The following PCDH15 variants were observed in gnomAD, a reference collection of about 807,000 sequenced individuals.
The protein encoded by PCDH15 is protocadherin related 15, also known as protocadherin-15.
A neutral mutation model predicts 178.5 loss-of-function variants in PCDH15; 129 were observed. The observed-to-expected ratio is 0.72, with a 90% CI of 0.63 to 0.84. PCDH15 has a LOEUF of 0.84. Among genes scored for constraint, PCDH15 ranks in the 40% least tolerant of loss-of-function variants. The probability of loss-of-function intolerance (pLI) is 0.00; values close to 1 mark genes in which losing one functional copy is unlikely to be tolerated. For synonymous variants in PCDH15, 800 were observed against 732.0 expected (o/e 1.09, Z -1.50); for missense variants, 2,230 against 2,099.9 (o/e 1.06, Z -1.21).
rs1462625987 is a variant in PCDH15, at chr10:54,806,775, C to T, written c.-29+90675G>A. Among the ~76,000 whole-genome samples, 8 of 152,138 alleles carry T rather than the reference C, an allele frequency of 5.3e-5. No individual in the cohort carries two copies. In the South Asian group the frequency reaches 8.3e-4, roughly 16 times the overall value. On this transcript the variant is annotated intron_variant, in intron 3 of 5. Transcript: ENST00000458638. ...CTGGGATTACAGGTCTGAGCCGCCTCGCCTGGCCTGAGCCACCACGCCAGG... is the reference window on the plus strand; with the variant it reads ...CTGGGATTACAGGTCTGAGCCGCCTTGCCTGGCCTGAGCCACCACGCCAGG...
intron 5 of PCDH15, among the ~76,000 whole-genome samples, chr10:54,365,168 TG>T (rs1946617299): frequency 6.6e-6 from 1 of 152,136 alleles, no homozygotes; most frequent in Non-Finnish European, 1.5e-5. Context: ...AAGCTATTTT[TG>T]CCAGGTAAGT....
At chr10:54,272,147 T>G (rs781054429) in intron 8 of PCDH15, among the ~76,000 whole-genome samples, 1 of 150,796 alleles carries the variant, frequency 6.6e-6, no homozygotes, top group Non-Finnish European at 1.5e-5. Context: ...TTAAATTTTA[T>G]GTATATTCAT....
intron 2 of PCDH15, among the ~76,000 whole-genome samples, chr10:55,333,602 G>C (rs966930479): frequency 4.6e-5 from 7 of 151,946 alleles, no homozygotes; most frequent in African/African-American, 1.7e-4. Context: ...ATTATTTAAA[G>C]AATTCATATA....
chr10:55,581,003 C>T (rs1024661621), intron 2 of PCDH15, among the ~76,000 whole-genome samples: 2 of 152,070 alleles, frequency 1.3e-5, no homozygotes, highest in Non-Finnish European at 2.9e-5. Context: ...GTTGCTTATC[C>T]AATTCTCTGA....
intron 1 of PCDH15, among the ~76,000 whole-genome samples, chr10:54,779,453 C>T (rs867902819): frequency 0.11 from 12,702 of 114,088 alleles, 1,071 homozygotes; most frequent in Non-Finnish European, 0.16. Flanking sequence ...TATATACACT[C>T]ATATATGTGT....
chr10:53,879,890 G>T (rs778406299), intron 26 of PCDH15, among the ~76,000 whole-genome samples: 4 of 152,182 alleles, frequency 2.6e-5, no homozygotes, highest in African/African-American at 9.7e-5. Context: ...GGCCTCATGT[G>T]TTCCGCCTGC....
intron 3 of PCDH15, among the ~76,000 whole-genome samples, chr10:54,477,293 C>T (rs1442633781): frequency 2.0e-5 from 3 of 152,278 alleles, no homozygotes; most frequent in Non-Finnish European, 4.4e-5. Flanking sequence ...CCTCTTTGGC[C>T]AATTCCTACA....
intron 1 of PCDH15, among the ~76,000 whole-genome samples, chr10:55,280,963 A>G (rs1432449714): frequency 1.3e-5 from 2 of 152,226 alleles, no homozygotes; most frequent in Non-Finnish European, 2.9e-5. Flanking sequence ...ATGGATTTTT[A>G]AAAGTTAACT....
chr10:54,657,766 C>CA (rs1255178729), intron 2 of PCDH15, among the ~76,000 whole-genome samples: 1 of 152,124 alleles, frequency 6.6e-6, no homozygotes. Context: ...GAGAAAGAAT[C>CA]AATGCATGAA....
chr10:55,575,407 G>GT (rs1267807077), intron 2 of PCDH15, among the ~76,000 whole-genome samples: 2 of 152,088 alleles, frequency 1.3e-5, no homozygotes, highest in Admixed American at 1.3e-4. Context: ...AAAAGTGTAT[G>GT]TTTTTTCAAA....
chr10:53,860,354 T>G (rs2079023085), intron 27 of PCDH15, among the ~76,000 whole-genome samples: 1 of 152,238 alleles, frequency 6.6e-6, no homozygotes, highest in Non-Finnish European at 1.5e-5. Context: ...CAACGTAAAC[T>G]TAGTGGAAGG....
At chr10:55,059,306 A>T (rs1304978958) in intron 2 of PCDH15, among the ~76,000 whole-genome samples, 1 of 152,198 alleles carries the variant, frequency 6.6e-6, no homozygotes, top group Non-Finnish European at 1.5e-5. Flanking sequence ...TATATATTTT[A>T]TGCCCACTTT....
At chr10:55,117,197 G>A (rs1207621830) in intron 2 of PCDH15, among the ~76,000 whole-genome samples, 2 of 152,136 alleles carry the variant, frequency 1.3e-5, no homozygotes, top group Non-Finnish European at 2.9e-5. Flanking sequence ...AGCGATGGGT[G>A]AAGAAAAGAA....
intron 2 of PCDH15, among the ~76,000 whole-genome samples, chr10:55,140,049 A>G (rs561780977): frequency 1.3e-4 from 19 of 151,930 alleles, no homozygotes; most frequent in Non-Finnish European, 2.4e-4. Flanking sequence ...TTCATTTTCA[A>G]TTTTGATATT....
chr10:54,395,363 T>TAAA (rs1328027054), intron 3 of PCDH15, among the ~76,000 whole-genome samples: 7 of 131,044 alleles, frequency 5.3e-5, no homozygotes, highest in Admixed American at 3.1e-4. Context: ...CAACATAAAA[T>TAAA]AAAAAAAAAA....
chr10:55,354,955 C>T (rs1269740663), intron 2 of PCDH15, among the ~76,000 whole-genome samples: 2 of 151,934 alleles, frequency 1.3e-5, no homozygotes, highest in Admixed American at 1.3e-4. Context: ...ATTCTCCCTC[C>T]CAATAATTTT....
intron 3 of PCDH15, among the ~76,000 whole-genome samples, chr10:54,428,881 G>T (rs1398563296): frequency 6.6e-6 from 1 of 152,158 alleles, no homozygotes; most frequent in Non-Finnish European, 1.5e-5. Context: ...GCATGAAAGA[G>T]AAATAAAGAC....
At chr10:54,351,084 G>A (rs117839202) in intron 5 of PCDH15, among the ~76,000 whole-genome samples, 8 of 150,716 alleles carry the variant, frequency 5.3e-5, no homozygotes, top group Non-Finnish European at 7.4e-5. Flanking sequence ...AGCCTGGGGC[G>A]AGAACAAGAC....
At chr10:54,480,843 T>C (rs113133217) in intron 3 of PCDH15, among the ~76,000 whole-genome samples, 55 of 152,132 alleles carry the variant, frequency 3.6e-4, no homozygotes, top group African/African-American at 8.7e-4. Context: ...CCTTTTTTCA[T>C]AGAAACATTA....
Sources: gnomAD v4.1 joint callset for allele counts (sites outside exome capture counted in the v4.1 genomes callset) on GRCh38, gnomAD v4.1.1 for gene constraint, MANE v1.5 for transcripts, NCBI Gene and HGNC (gene_info 2026-07-23, HGNC 2026-07-21) for gene names.